GTPBP3: variants seen among roughly 807,000 people sequenced by gnomAD.
GTPBP3 encodes GTP binding protein 3, mitochondrial.
Under a neutral mutation model 42.0 loss-of-function variants are expected in GTPBP3, and 35 were observed. The observed-to-expected ratio is 0.83, with a 90% CI of 0.64 to 1.10. The LOEUF is 1.10. GTPBP3 is among the 50% of genes least tolerant of loss of function. GTPBP3 has a pLI of 0.00. For synonymous variants in GTPBP3, 332 were observed against 314.9 expected, an observed-to-expected ratio of 1.05 and a Z score of -0.58; for missense variants, 691 against 685.2, an observed-to-expected ratio of 1.01 and a Z score of -0.09.
Position 17,341,829 on chromosome 19 carries a change from C to A in GTPBP3, c.*126C>A. 2 of 823,636 alleles carry A rather than the reference C, an allele frequency of 2.4e-6. No individual in the cohort carries two copies. Among genetic ancestry groups the A allele is most frequent in the South Asian group, 1.9e-5 (1 of 52,808 alleles). 51.0% of individuals were successfully genotyped at this position (823,636 alleles called of 1,614,324 possible). A position where few individuals can be genotyped will look rare whatever the true frequency, so the allele number is the denominator to read the frequency against. On this transcript the variant is annotated 3_prime_UTR_variant, in exon 9 of 9. Coordinates refer to ENST00000324894, the MANE Select transcript of GTPBP3 (RefSeq NM_032620.4). ...AGAACTTGATTCTCAAATAGTGAAG[C>A]AACACAGCTGAGAGGTAGTGAGATC...
At position 17,338,394 on chromosome 19, in the gene GTPBP3, G is replaced by C; in HGVS notation, c.331G>C (p.Val111Leu). ...GPQSFTGEDCVEFHVHGGPAV... is the reference protein window; with the variant it reads ...GPQSFTGEDCLEFHVHGGPAV... ...CCAGAGTTTCACCGGTGAGGACTGC[G>C]TGGAGTTCCACGTGCATGGAGGCCC... The change falls in exon 3 of 9, where the codon GTG becomes CTG. Residue 111 changes from valine (V) to leucine (L), a missense_variant. By Grantham distance (32) the Val-to-Leu change is conservative. Transcript: ENST00000324894. The C allele has an allele frequency of 6.2e-7, 1 of 1,614,174 alleles. No homozygotes were observed. The highest frequency in any genetic ancestry group is 1.6e-4 in the Middle Eastern group (1 of 6,062).
chr19:17,340,875 G>A (rs1431260559), intron 7 of GTPBP3, 169 bp from the exon 8 acceptor site: 2 of 476,144 alleles, frequency 4.2e-6, no homozygotes, highest in African/African-American at 2.2e-5. Context: ...CCCTGTGCTC[G>A]GCTTGGGCCC....
In GTPBP3 at chr19:17,338,200, C is replaced by T. The variant is rs764007428; in HGVS notation, c.246C>T (p.Leu82=). Residue 82 remains leucine, a synonymous_variant, in exon 2 of 9, where the codon CTC becomes CTT. Coordinates refer to ENST00000324894, the MANE Select transcript of GTPBP3 (RefSeq NM_032620.4). ...CTCGCCACGCCAGCCTGCGCCTGCTCAGCGATCCCCGCTCCGGGGAGCCTC... is the reference window on the plus strand; with the variant it reads ...CTCGCCACGCCAGCCTGCGCCTGCTTAGCGATCCCCGCTCCGGGGAGCCTC... ...PLARHASLRL[L]SDPRSGEPLD... 5 of 1,585,282 alleles carry T rather than the reference C, an allele frequency of 3.2e-6. No homozygotes were observed. Among genetic ancestry groups the T allele is most frequent in the African/African-American group, 2.7e-5 (2 of 74,230 alleles).
chr19:17,339,087 C>T (rs1294956342), intron 5 of GTPBP3, 36 bp from the exon 6 acceptor site: 1 of 1,614,152 alleles, frequency 6.2e-7, no homozygotes, highest in East Asian at 2.2e-5. Flanking sequence ...AGGCTCCCCT[C>T]ACTGTCTCTC....
intron 7 of GTPBP3, 107 bp from the exon 8 acceptor site, chr19:17,340,937 C>T: frequency 1.5e-6 from 2 of 1,316,722 alleles, no homozygotes; most frequent in Non-Finnish European, 2.1e-6. Flanking sequence ...CGACCTCACG[C>T]TTCGCAGCTC....
At chr19:17,336,482 GAC>G (rs1421405574), upstream of GTPBP3, among the ~76,000 whole-genome samples, 1 of 151,966 alleles carries the variant, frequency 6.6e-6, no homozygotes, top group African/African-American at 2.4e-5. Flanking sequence ...CAGCCTGGGC[GAC>G]AGAGTGAGAC....
At position 17,338,405 on chromosome 19, in the gene GTPBP3, C is replaced by A; in HGVS notation, c.342C>A (p.His114Gln). The A allele has an allele frequency of 6.2e-7, 1 of 1,614,168 alleles. No individual in the cohort carries two copies. The highest frequency in any genetic ancestry group is 1.1e-5 in the South Asian group (1 of 91,090). Residue 114 changes from histidine (H) to glutamine (Q), a missense_variant, in exon 3 of 9, where the codon CAC becomes CAA. Coordinates refer to ENST00000324894, the MANE Select transcript of GTPBP3 (RefSeq NM_032620.4). The stretch of plus-strand genomic sequence containing the variant: ...CCGGTGAGGACTGCGTGGAGTTCCA[C>A]GTGCATGGAGGCCCGGCAGTGGTGA... Reference protein sequence around the residue: ...SFTGEDCVEFHVHGGPAVVSG... With the variant: ...SFTGEDCVEFQVHGGPAVVSG...
In GTPBP3 at chr19:17,338,586, C is replaced by T. The variant is rs762627810; in HGVS notation, c.436C>T (p.Arg146Trp). The change falls in exon 4 of 9, where the codon CGG becomes TGG. Residue 146 changes from arginine to tryptophan, a missense_variant. Transcript: ENST00000324894. Reference sequence around the variant, plus strand: ...GGCGGAGGCAGGCGAGTTCACCAGACGGGCGTTCGCCAATGGGAAGCTGAA... The same window carrying T: ...GGCGGAGGCAGGCGAGTTCACCAGATGGGCGTTCGCCAATGGGAAGCTGAA... ...RPAEAGEFTR[R>W]AFANGKLNLT... The T allele has an allele frequency of 2.5e-6, 4 of 1,613,914 alleles. No individual in the cohort carries two copies. Among genetic ancestry groups the T allele is most frequent in the Admixed American group, 1.7e-5 (1 of 60,004 alleles).
chr19:17,339,808 G>T (rs1038559839), intron 7 of GTPBP3, among the ~76,000 whole-genome samples: 2 of 148,972 alleles, frequency 1.3e-5, no homozygotes, highest in Admixed American at 1.3e-4. Flanking sequence ...GTGCAGTGGC[G>T]GTATCTCAGC....
chr19:17,338,908 G>A, intron 4 of GTPBP3, 46 bp from the exon 5 acceptor site: 1 of 1,553,742 alleles, frequency 6.4e-7, no homozygotes, highest in Non-Finnish European at 8.7e-7. Context: ...GTGGGAAGGT[G>A]GGTTTCTGGG....
intron 7 of GTPBP3, chr19:17,340,826 C>G (rs2074422639): frequency 1.4e-5 from 8 of 553,218 alleles, no homozygotes; most frequent in Non-Finnish European, 2.3e-5. Flanking sequence ...TCTGCCCTTC[C>G]CCCTGCACTG....
At position 17,339,279 on chromosome 19, in the gene GTPBP3, C is replaced by A; in HGVS notation, c.808+13C>A. 6.3e-7 allele frequency: 1 copy of A among 1,576,814 alleles called. No homozygotes were observed. The highest frequency in any genetic ancestry group is 8.6e-7 in the Non-Finnish European group (1 of 1,159,508). On this transcript the variant is annotated intron_variant, in intron 6 of 8. Transcript: ENST00000324894. The stretch of plus-strand genomic sequence containing the variant: ...GTGAACCTGCTCAGTGAGTAGGCGG[C>A]GGGAAGGGGGCGGGGCCTAGTGCCA...
chr19:17,340,362 G>A (rs2074416595), intron 7 of GTPBP3, among the ~76,000 whole-genome samples: 1 of 151,966 alleles, frequency 6.6e-6, no homozygotes, highest in African/African-American at 2.4e-5. Flanking sequence ...ATTAAGTCCT[G>A]CCCCCGGCCC....
chr19:17,340,809 C>T, intron 7 of GTPBP3: 1 of 570,670 alleles, frequency 1.8e-6, no homozygotes, highest in Non-Finnish European at 3.1e-6. Flanking sequence ...GTGACCGCTC[C>T]TCTTGCTCTG....
chr19:17,335,801 G>C (rs2074361811), upstream of GTPBP3, among the ~76,000 whole-genome samples: 2 of 151,112 alleles, frequency 1.3e-5, no homozygotes. Context: ...CACACAGTAG[G>C]CGCTTGCTGT....
At chr19:17,336,349 G>A (rs376543569), upstream of GTPBP3, among the ~76,000 whole-genome samples, 4 of 147,600 alleles carry the variant, frequency 2.7e-5, no homozygotes, top group South Asian at 6.5e-4. Flanking sequence ...AAGAAACACC[G>A]AAAAGTTAGA....
At chr19:17,337,865 G>A in intron 1 of GTPBP3, 143 bp from the exon 2 acceptor site, 2 of 1,255,878 alleles carry the variant, frequency 1.6e-6, no homozygotes, top group Non-Finnish European at 2.2e-6. Context: ...GTCACCCTTC[G>A]GCCTTCAGAA....
intron 7 of GTPBP3, among the ~76,000 whole-genome samples, chr19:17,340,268 C>T (rs2074415647): frequency 6.6e-6 from 1 of 151,608 alleles, no homozygotes; most frequent in African/African-American, 2.4e-5. Context: ...AACTCCTGAT[C>T]TCAGGTGACC....
intron 7 of GTPBP3, among the ~76,000 whole-genome samples, chr19:17,340,675 C>T (rs2145705303): frequency 6.6e-6 from 1 of 151,502 alleles, no homozygotes. Context: ...TCTGCTCTTC[C>T]CCCTGCACAG....
Sources: allele counts gnomAD v4.1 joint callset (sites outside exome capture counted in the v4.1 genomes callset), GRCh38; gene constraint gnomAD v4.1.1; transcripts MANE v1.5; gene names NCBI Gene and HGNC (gene_info 2026-07-23, HGNC 2026-07-21).